Variants in RTN1 observed in about 807,000 individuals in gnomAD.
RTN1 encodes reticulon-1.
Under a neutral mutation model 65.5 loss-of-function variants are expected in RTN1, and 25 were observed. That is an observed-to-expected ratio of 0.38 (90% CI 0.28 to 0.53). The LOEUF (loss-of-function observed/expected upper bound fraction) is 0.53. RTN1 is among the 20% of genes least tolerant of loss of function. The probability of loss-of-function intolerance (pLI) is 0.79; values close to 1 mark genes in which losing one functional copy is unlikely to be tolerated. For synonymous variants in RTN1, 471 were observed against 447.6 expected (o/e 1.05, Z -0.66); for missense variants, 983 against 1,025.4 (o/e 0.96, Z 0.57).
chr14:59,674,401 G>A (rs1883576285), intron 3 of RTN1, among the ~76,000 whole-genome samples: 1 of 152,224 alleles, frequency 6.6e-6, no homozygotes, highest in Non-Finnish European at 1.5e-5. Flanking sequence ...TAACAAGTGG[G>A]AGGCAGAAAG....
intron 3 of RTN1, among the ~76,000 whole-genome samples, chr14:59,656,530 G>C (rs201510978): frequency 6.6e-6 from 1 of 152,184 alleles, no homozygotes; most frequent in Non-Finnish European, 1.5e-5. Flanking sequence ...TATACATACA[G>C]GTTAATGGAA....
chr14:59,747,881 G>A (rs1885262172), intron 1 of RTN1, among the ~76,000 whole-genome samples: 1 of 152,006 alleles, frequency 6.6e-6, no homozygotes. Context: ...CACACCTGAA[G>A]AATAGACTAG....
intron 1 of RTN1, among the ~76,000 whole-genome samples, chr14:59,860,819 T>G (rs2139675079): frequency 6.6e-6 from 1 of 152,316 alleles, no homozygotes; most frequent in South Asian, 2.1e-4. Flanking sequence ...CTTTAAGATT[T>G]GACTGCCCTG....
intron 1 of RTN1, among the ~76,000 whole-genome samples, chr14:59,819,420 C>A (rs1594755208): frequency 7.6e-5 from 1 of 13,192 alleles, no homozygotes; most frequent in East Asian, 3.2e-3. Flanking sequence ...CACCACCCCC[C>A]CCCCACCCCC....
In RTN1 at chr14:59,870,278, G is replaced by A. The variant is rs1887872702; in HGVS notation, c.241+112C>T. On this transcript the variant is annotated intron_variant, in intron 1 of 8. Transcript: ENST00000267484. This position sits in a 1 kb window ranked among gnomAD's most constrained non-coding sequence, Gnocchi z 5.1. ...CCGTGGCGACGCGGGGGTGGGGTCG[G>A]CGCTCAAGGCAGAAAGCGCGAGGCA... is the stretch of plus-strand genomic sequence containing the variant. 2 of 1,118,402 alleles carry A rather than the reference G, an allele frequency of 1.8e-6. No individual in the cohort carries two copies. The highest frequency in any genetic ancestry group is 3.2e-5 in the East Asian group (1 of 31,632). The allele number at this position is 1,118,402 out of a possible 1,614,324, so 69.3% of individuals were successfully genotyped here.
intron 3 of RTN1, among the ~76,000 whole-genome samples, chr14:59,648,426 C>G (rs558230221): frequency 6.6e-6 from 1 of 152,184 alleles, no homozygotes; most frequent in East Asian, 1.9e-4. Context: ...AGGGACTCCT[C>G]CCCAACTAAT....
chr14:59,767,057 C>T lies in RTN1; in HGVS notation c.242-20576G>A, dbSNP rs569809687. ...ACAACAACAAAAAAACATAATTATG[C>T]AGGCATAGCAGAGCCTGCTAAATTG... On this transcript the variant is annotated intron_variant, in intron 1 of 8. Transcript: ENST00000267484. Among the ~76,000 whole-genome samples, 3 of 152,266 alleles carry T rather than the reference C, an allele frequency of 2.0e-5. No homozygotes were observed. The South Asian group carries it at 6.2e-4, about 32-fold the overall frequency.
At chr14:59,730,015 C>T (rs900908598) in intron 2 of RTN1, among the ~76,000 whole-genome samples, 8 of 152,324 alleles carry the variant, frequency 5.3e-5, no homozygotes, top group Admixed American at 5.2e-4. Flanking sequence ...GTAGTAACAG[C>T]TCCCTAATGT....
At chr14:59,792,359 TCACACACACACACA>T (rs34220909) in intron 1 of RTN1, among the ~76,000 whole-genome samples, 4 of 144,892 alleles carry the variant, frequency 2.8e-5, no homozygotes, top group African/African-American at 7.6e-5. Context: ...AGAAAAGACT[TCACACACACACACA>T]CACACACACA....
At chr14:59,649,463 G>A (rs1165563325) in intron 3 of RTN1, among the ~76,000 whole-genome samples, 1 of 152,084 alleles carries the variant, frequency 6.6e-6, no homozygotes, top group Non-Finnish European at 1.5e-5. Flanking sequence ...TCATCAGCAT[G>A]AACAGGCAAC....
rs576867593 is a variant in RTN1, at chr14:59,825,667, G to T, written c.241+44723C>A. Among the ~76,000 whole-genome samples, 27 of 152,338 alleles carry T rather than the reference G, an allele frequency of 1.8e-4. No homozygotes were observed. The highest frequency in any genetic ancestry group is 6.5e-4 in the African/African-American group (27 of 41,584). ...AACCACGGAGTCCACACAAAGCACG[G>T]TGGCCAAGGAATAGTGTTACTGTGT... On this transcript the variant is annotated intron_variant, in intron 1 of 8. Transcript: ENST00000267484. This position sits in a 1 kb window ranked among gnomAD's most constrained non-coding sequence, Gnocchi z 4.2.
Position 59,766,421 on chromosome 14 carries a change from G to T in RTN1, c.242-19940C>A, listed in dbSNP as rs188381120. ...TTTTACCTTTGTTTTTATTATTTTT[G>T]CCCCAAACTCATATATATTGTTCAA... On this transcript the variant is annotated intron_variant, in intron 1 of 8. Transcript: ENST00000267484. The surrounding 1 kb of genome is among the most constrained non-coding windows in gnomAD (Gnocchi z 4.4). 7.2e-5 allele frequency among the ~76,000 whole-genome samples: 11 copies of T among 152,058 alleles called. No homozygotes were observed. Among genetic ancestry groups the T allele is most frequent in the African/African-American group, 2.7e-4 (11 of 41,466 alleles).
chr14:59,749,362 ATATATATCTATATATC>A lies in RTN1; in HGVS notation c.242-2897_242-2882del, dbSNP rs1566711639. 2.2e-4 allele frequency among the ~76,000 whole-genome samples: 15 copies of A among 69,040 alleles called. No homozygotes were observed. The East Asian group carries it at 2.4e-3, about 11-fold the overall frequency. The allele number at this position is 69,040 out of a possible 152,430, so 45.3% of individuals were successfully genotyped here. On this transcript the variant is annotated intron_variant, in intron 1 of 8. Coordinates refer to ENST00000267484, the MANE Select transcript of RTN1 (RefSeq NM_021136.3). ...TCTATATATATCTATATATATCTAT[ATATATATCTATATATC>A]TATATCTATATATATCTATATATAT...
chr14:59,787,646 G>A (rs1338067813), intron 1 of RTN1, among the ~76,000 whole-genome samples: 1 of 152,206 alleles, frequency 6.6e-6, no homozygotes, highest in Non-Finnish European at 1.5e-5. Flanking sequence ...GGGAGAAAAT[G>A]GTGGGGACCT....
chr14:59,847,227 T>C (rs1887426690), intron 1 of RTN1, among the ~76,000 whole-genome samples: 1 of 152,222 alleles, frequency 6.6e-6, no homozygotes. Context: ...CATTAGACTA[T>C]AACTTTCTTA....
rs561074484 is a variant in RTN1 at position 59,757,583 on chromosome 14, T to A, written c.242-11102A>T. 1.6e-4 allele frequency among the ~76,000 whole-genome samples: 24 copies of A among 152,218 alleles called. No homozygotes were observed. In the South Asian group the frequency reaches 4.8e-3, roughly 30 times the overall value. On this transcript the variant is annotated intron_variant, in intron 1 of 8. Transcript: ENST00000267484. ...TATGTCTTTATTAGCAGTGTGAAAA[T>A]GAACTAATACAGAGCCCTCATAAAT...
chr14:59,719,439 T>A (rs1372807316), intron 3 of RTN1, among the ~76,000 whole-genome samples: 1 of 152,202 alleles, frequency 6.6e-6, no homozygotes, highest in Non-Finnish European at 1.5e-5. Context: ...CTCTTACACA[T>A]CACTCTGTTG....
At chr14:59,730,109 C>T (rs961301629) in intron 2 of RTN1, among the ~76,000 whole-genome samples, 1 of 152,190 alleles carries the variant, frequency 6.6e-6, no homozygotes, top group Non-Finnish European at 1.5e-5. Context: ...TCTTCAGTCA[C>T]AACCTTTGAG....
rs1184233564 is a variant in RTN1 at position 59,836,444 on chromosome 14, T to G, written c.241+33946A>C. Among the ~76,000 whole-genome samples the G allele has an allele frequency of 2.0e-5, 3 of 152,190 alleles. No individual in the cohort carries two copies. The highest frequency in any genetic ancestry group is 7.2e-5 in the African/African-American group (3 of 41,450). On this transcript the variant is annotated intron_variant, in intron 1 of 8. Transcript: ENST00000267484. This position sits in a 1 kb window ranked among gnomAD's most constrained non-coding sequence, Gnocchi z 4.9. ...GAACTCCCCACATCACACAACTAAT[T>G]TTTCCAGTTCTTACATCTTCTTTGT...
Sources: allele counts gnomAD v4.1 joint callset (sites outside exome capture counted in the v4.1 genomes callset), GRCh38; gene constraint gnomAD v4.1.1; non-coding constraint Gnocchi (gnomAD v3.1); transcripts MANE v1.5; gene names NCBI Gene and HGNC (gene_info 2026-07-23, HGNC 2026-07-21).